Variants in CDKAL1 observed in about 807,000 individuals in gnomAD.
CDKAL1 encodes the protein threonylcarbamoyladenosine tRNA methylthiotransferase.
Under a neutral mutation model 68.2 loss-of-function variants are expected in CDKAL1, and 32 were observed. That is an observed-to-expected ratio of 0.47 (90% CI 0.35 to 0.63). The LOEUF (loss-of-function observed/expected upper bound fraction) is 0.63. Among genes scored for constraint, CDKAL1 ranks in the 30% least tolerant of loss-of-function variants. The pLI, the probability that CDKAL1 is intolerant of heterozygous loss-of-function variation, is 0.00. For missense variants in CDKAL1, 606 were observed against 696.7 expected, an observed-to-expected ratio of 0.87 and a Z score of 1.47; for synonymous variants, 234 against 244.3, an observed-to-expected ratio of 0.96 and a Z score of 0.39.
At chr6:21,008,599 A>T (rs557589209) in intron 11 of CDKAL1, among the ~76,000 whole-genome samples, 3 of 152,200 alleles carry the variant, frequency 2.0e-5, no homozygotes, top group African/African-American at 7.2e-5. Context: ...TCCAAATTTC[A>T]TGAGTATTCA....
At chr6:20,747,127 C>T (rs1773697227) in intron 6 of CDKAL1, among the ~76,000 whole-genome samples, 1 of 152,130 alleles carries the variant, frequency 6.6e-6, no homozygotes, top group Non-Finnish European at 1.5e-5. Context: ...GTTTACTTAG[C>T]ATAATGTCCT....
chr6:21,156,220 A>G (rs1380803249), intron 13 of CDKAL1, among the ~76,000 whole-genome samples: 1 of 152,044 alleles, frequency 6.6e-6, no homozygotes, highest in Non-Finnish European at 1.5e-5. Context: ...CAGGAGTTTG[A>G]GACCAGCCTG....
rs192384113 is a variant in CDKAL1 at position 20,640,894 on chromosome 6, A to G, written c.287-8399A>G. Among the ~76,000 whole-genome samples, 336 of 152,314 alleles carry G rather than the reference A, an allele frequency of 2.2e-3. 1 individual carries two copies. Among genetic ancestry groups the G allele is most frequent in the Non-Finnish European group, 3.4e-3 (234 of 68,032 alleles). On this transcript the variant is annotated intron_variant, in intron 4 of 15. Transcript: ENST00000274695. Reference sequence around the variant, plus strand: ...ATGAAGGTCAACGTGGGAGGATTACATGAAAAAATGAATGTGACAGGCCAA... The same window carrying G: ...ATGAAGGTCAACGTGGGAGGATTACGTGAAAAAATGAATGTGACAGGCCAA...
intron 5 of CDKAL1, among the ~76,000 whole-genome samples, chr6:20,658,937 C>CA (rs1239942635): frequency 6.6e-6 from 1 of 152,152 alleles, no homozygotes; most frequent in East Asian, 1.9e-4. Context: ...ATCTCAGCCT[C>CA]ATGAGTAGCT....
At chr6:21,211,176 A>C (rs1298697446) in intron 15 of CDKAL1, among the ~76,000 whole-genome samples, 1 of 152,206 alleles carries the variant, frequency 6.6e-6, no homozygotes, top group Non-Finnish European at 1.5e-5. Flanking sequence ...TTAATCAGGC[A>C]AGTAAAGAAG....
intron 9 of CDKAL1, among the ~76,000 whole-genome samples, chr6:20,892,147 TA>T (rs1761443035): frequency 6.6e-6 from 1 of 152,180 alleles, no homozygotes; most frequent in African/African-American, 2.4e-5. Context: ...TTCCCATTCT[TA>T]AAGGATGCAG....
intron 4 of CDKAL1, among the ~76,000 whole-genome samples, chr6:20,602,669 G>C (rs1766155759): frequency 6.6e-6 from 1 of 152,088 alleles, no homozygotes; most frequent in Non-Finnish European, 1.5e-5. Context: ...CCTACCTCTT[G>C]CCTTTCCATA....
chr6:20,778,899 A>G (rs1362468297), intron 7 of CDKAL1, among the ~76,000 whole-genome samples: 1 of 152,198 alleles, frequency 6.6e-6, no homozygotes, highest in Admixed American at 6.5e-5. Context: ...TATCTCATCT[A>G]GAAACACCCT....
intron 12 of CDKAL1, 72 bp downstream of exon 12, chr6:21,065,300 C>A: frequency 8.7e-7 from 1 of 1,154,702 alleles, no homozygotes; most frequent in Non-Finnish European, 1.3e-6. Context: ...TGCCTACCTT[C>A]ACACAACTTG....
chr6:20,874,574 G>T (rs540761416), intron 9 of CDKAL1, among the ~76,000 whole-genome samples: 28 of 152,128 alleles, frequency 1.8e-4, no homozygotes, highest in African/African-American at 6.5e-4. Flanking sequence ...GGAGTGCAGT[G>T]GTGTGATCTT....
intron 5 of CDKAL1, among the ~76,000 whole-genome samples, chr6:20,670,106 T>C (rs1038339129): frequency 6.6e-6 from 1 of 152,222 alleles, no homozygotes; most frequent in Non-Finnish European, 1.5e-5. Flanking sequence ...GTCTACAATA[T>C]ATTTACATTA....
At chr6:20,946,593 C>CTTTT (rs11361870) in intron 9 of CDKAL1, among the ~76,000 whole-genome samples, 2 of 91,230 alleles carry the variant, frequency 2.2e-5, no homozygotes, top group African/African-American at 4.1e-5. Flanking sequence ...CAATCCATAC[C>CTTTT]TTTTTTTTTT....
chr6:20,561,191 C>T (rs111339336), intron 4 of CDKAL1, among the ~76,000 whole-genome samples: 2,331 of 152,058 alleles, frequency 0.015, 66 homozygotes, highest in African/African-American at 0.053. Context: ...CTTGTAATCC[C>T]AGCACTTTGG....
At chr6:20,557,787 C>T (rs1355559349) in intron 4 of CDKAL1, among the ~76,000 whole-genome samples, 2 of 151,992 alleles carry the variant, frequency 1.3e-5, no homozygotes, top group East Asian at 1.9e-4. Context: ...ATTAGCCCAG[C>T]GTGGTGGTGC....
intron 4 of CDKAL1, among the ~76,000 whole-genome samples, chr6:20,584,272 C>T (rs1029544967): frequency 6.6e-5 from 10 of 151,972 alleles, no homozygotes; most frequent in Admixed American, 3.9e-4. Context: ...CACAGGAGTC[C>T]GGTTTGATCA....
intron 9 of CDKAL1, among the ~76,000 whole-genome samples, chr6:20,910,811 C>T (rs1762436211): frequency 6.6e-6 from 1 of 152,152 alleles, no homozygotes; most frequent in South Asian, 2.1e-4. Flanking sequence ...CTATAAAAAG[C>T]AGTAATTTGT....
chr6:20,848,929 A>G (rs547139481), intron 9 of CDKAL1, among the ~76,000 whole-genome samples: 1 of 152,052 alleles, frequency 6.6e-6, no homozygotes, highest in African/African-American at 2.4e-5. Context: ...AGTAGTGGCG[A>G]CTATAGCCAT....
At chr6:20,884,229 A>G (rs750723279) in intron 9 of CDKAL1, among the ~76,000 whole-genome samples, 8 of 152,214 alleles carry the variant, frequency 5.3e-5, no homozygotes, top group Non-Finnish European at 8.8e-5. Flanking sequence ...GATCTCAATG[A>G]ATGAAGAAAA....
intron 4 of CDKAL1, among the ~76,000 whole-genome samples, chr6:20,586,978 GTTT>G (rs750210435): frequency 6.5e-4 from 29 of 44,458 alleles, no homozygotes; most frequent in African/African-American, 2.7e-3. Flanking sequence ...TCCTCCAGGT[GTTT>G]TTTTTTTTTT....
Sources: gnomAD v4.1 joint callset for allele counts (sites outside exome capture counted in the v4.1 genomes callset) on GRCh38, gnomAD v4.1.1 for gene constraint, MANE v1.5 for transcripts, NCBI Gene and HGNC (gene_info 2026-07-23, HGNC 2026-07-21) for gene names.